ZNF385D: variants seen among roughly 807,000 people sequenced by gnomAD.
ZNF385D encodes the protein zinc finger protein 659.
A neutral mutation model predicts 35.8 loss-of-function variants in ZNF385D; 15 were observed. The ratio of observed to expected loss-of-function variants is 0.42; its 90% CI spans 0.28 to 0.64. The LOEUF is 0.64. Among genes scored for constraint, ZNF385D ranks in the 30% least tolerant of loss-of-function variants. The pLI, the probability that ZNF385D is intolerant of heterozygous loss-of-function variation, is 0.23. For synonymous variants in ZNF385D, 212 were observed against 186.8 expected, an observed-to-expected ratio of 1.13 and a Z score of -1.10; for missense variants, 474 against 494.6, an observed-to-expected ratio of 0.96 and a Z score of 0.39.
chr3:22,034,927 A>C (rs1698221544), intron 3 of ZNF385D, among the ~76,000 whole-genome samples: 2 of 152,220 alleles, frequency 1.3e-5, no homozygotes, highest in Non-Finnish European at 2.9e-5. Flanking sequence ...GAATAATAGT[A>C]TTTCATGATT....
chr3:22,218,252 G>T (rs2728982), intron 2 of ZNF385D, among the ~76,000 whole-genome samples: 129,188 of 152,024 alleles, frequency 0.85, 55,036 homozygotes, highest in East Asian at 0.97. Flanking sequence ...AAACATTGTA[G>T]GCTTTTCAGC....
chr3:21,870,526 G>A (rs1198435875), intron 3 of ZNF385D, among the ~76,000 whole-genome samples: 3 of 152,110 alleles, frequency 2.0e-5, no homozygotes, highest in Non-Finnish European at 2.9e-5. Flanking sequence ...GTATTACAAT[G>A]TATCTGATCT....
intron 3 of ZNF385D, among the ~76,000 whole-genome samples, chr3:22,105,496 G>A (rs894601792): frequency 2.6e-5 from 4 of 152,042 alleles, no homozygotes; most frequent in Non-Finnish European, 4.4e-5. Context: ...CAATTACGGA[G>A]GCTGAGAAGT....
intron 3 of ZNF385D, among the ~76,000 whole-genome samples, chr3:21,847,721 A>G (rs1696100973): frequency 6.6e-6 from 1 of 152,054 alleles, no homozygotes; most frequent in Admixed American, 6.6e-5. Context: ...ATACCACCAT[A>G]GTCATGATAC....
At chr3:22,274,808 T>A (rs1227903907) in intron 2 of ZNF385D, among the ~76,000 whole-genome samples, 1 of 151,514 alleles carries the variant, frequency 6.6e-6, no homozygotes, top group African/African-American at 2.4e-5. Context: ...TTAAAAGTCT[T>A]CTTATTTTTT....
chr3:22,362,138 C>T (rs1696438182), intron 2 of ZNF385D, among the ~76,000 whole-genome samples: 1 of 151,592 alleles, frequency 6.6e-6, no homozygotes, highest in Admixed American at 6.6e-5. Context: ...TTGTTAAGGG[C>T]AACTTTTTAA....
chr3:22,098,272 A>G (rs888410429), intron 3 of ZNF385D, among the ~76,000 whole-genome samples: 17 of 152,218 alleles, frequency 1.1e-4, no homozygotes, highest in Middle Eastern at 3.4e-3. Context: ...GGAAGTGACC[A>G]TTCAAGTTGA....
At chr3:21,693,981 C>T (rs1161391132) in intron 1 of ZNF385D, among the ~76,000 whole-genome samples, 2 of 145,560 alleles carry the variant, frequency 1.4e-5, no homozygotes, top group Non-Finnish European at 3.0e-5. Flanking sequence ...CGGGTTCAAG[C>T]GATTCTCCTG....
At chr3:21,628,164 A>T (rs2065186105) in intron 2 of ZNF385D, among the ~76,000 whole-genome samples, 1 of 152,102 alleles carries the variant, frequency 6.6e-6, no homozygotes, top group African/African-American at 2.4e-5. Context: ...GTGGTGACAC[A>T]TATAGGAAAC....
intron 2 of ZNF385D, among the ~76,000 whole-genome samples, chr3:22,217,381 AAAG>A (rs1697954667): frequency 6.6e-6 from 1 of 152,098 alleles, no homozygotes. Context: ...TTCTTCCTTC[AAAG>A]AAGGCATCTC....
intron 3 of ZNF385D, among the ~76,000 whole-genome samples, chr3:21,899,607 A>G (rs1212551802): frequency 6.6e-6 from 1 of 152,064 alleles, no homozygotes; most frequent in Non-Finnish European, 1.5e-5. Context: ...GTGAATAAAC[A>G]TTTATCAGTT....
intron 1 of ZNF385D, among the ~76,000 whole-genome samples, chr3:21,719,208 A>G (rs1363197443): frequency 6.6e-6 from 1 of 152,206 alleles, no homozygotes; most frequent in Non-Finnish European, 1.5e-5. Flanking sequence ...AGAATCTCAG[A>G]TACCACCCCA....
chr3:22,162,418 T>C (rs1182158645), intron 3 of ZNF385D, among the ~76,000 whole-genome samples: 1 of 151,776 alleles, frequency 6.6e-6, no homozygotes, highest in Admixed American at 6.6e-5. Flanking sequence ...TTATCTGCCT[T>C]ACCCAAAACT....
At chr3:22,081,403 T>A (rs148263126) in intron 3 of ZNF385D, among the ~76,000 whole-genome samples, 3 of 152,210 alleles carry the variant, frequency 2.0e-5, no homozygotes, top group Non-Finnish European at 4.4e-5. Flanking sequence ...ATTATCTAAT[T>A]TGTAAGTTTA....
intron 2 of ZNF385D, among the ~76,000 whole-genome samples, chr3:21,594,031 C>G (rs997521309): frequency 2.0e-5 from 3 of 152,114 alleles, no homozygotes; most frequent in African/African-American, 7.2e-5. Flanking sequence ...AGACAGTAGA[C>G]GCACAGCTTT....
In ZNF385D at chr3:21,750,188, C is replaced by A. The variant is rs557945626; in HGVS notation, c.22+707G>T. On this transcript the variant is annotated intron_variant, in intron 1 of 7. Coordinates refer to ENST00000281523, the MANE Select transcript of ZNF385D (RefSeq NM_024697.3). ...GTGCAAATGCACAGCTCCAAGCCCA[C>A]TTCCAGTGCTCAACTGATAGCTCGG... 2.0e-5 allele frequency among the ~76,000 whole-genome samples: 3 copies of A among 152,362 alleles called. No homozygotes were observed. The South Asian group carries it at 6.2e-4, about 32-fold the overall frequency.
rs186837534 is a variant in ZNF385D, at chr3:21,996,980, G to A, written c.325+171837C>T. ...ATAAATATAAACCAAATCTATTTTA[G>A]TTTTTTGAGAGATTAAACCAATGTT... On this transcript the variant is annotated intron_variant, in intron 3 of 5. Transcript: ENST00000494108. Among the ~76,000 whole-genome samples, 142 of 152,042 alleles carry A rather than the reference G, an allele frequency of 9.3e-4. 1 individual carries two copies. Among genetic ancestry groups the A allele is most frequent in the Middle Eastern group, 3.4e-3 (1 of 294 alleles).
intron 4 of ZNF385D, among the ~76,000 whole-genome samples, chr3:21,493,613 C>A (rs1423249320): frequency 6.6e-6 from 1 of 151,220 alleles, no homozygotes. Flanking sequence ...ATGAACAAAT[C>A]CCTTTTAGGT....
At chr3:22,248,255 A>G (rs1043655061) in intron 2 of ZNF385D, among the ~76,000 whole-genome samples, 1 of 152,192 alleles carries the variant, frequency 6.6e-6, no homozygotes, top group African/African-American at 2.4e-5. Flanking sequence ...TAGTGACCAC[A>G]TGTCTGTACA....
Sources: gnomAD v4.1 joint callset for allele counts (sites outside exome capture counted in the v4.1 genomes callset) on GRCh38, gnomAD v4.1.1 for gene constraint, MANE v1.5 for transcripts, NCBI Gene and HGNC (gene_info 2026-07-23, HGNC 2026-07-21) for gene names.